The following SETX variants were observed in gnomAD, a reference collection of about 807,000 sequenced individuals.
SETX encodes the protein helicase senataxin.
A neutral mutation model predicts 227.2 loss-of-function variants in SETX; 90 were observed. That is an observed-to-expected ratio of 0.40 (90% CI 0.33 to 0.47). The LOEUF (loss-of-function observed/expected upper bound fraction) is 0.47. SETX is among the 20% of genes least tolerant of loss of function. The pLI is 0.91. For synonymous variants in SETX, 1,210 were observed against 1,113.2 expected (o/e 1.09, Z -1.73); for missense variants, 3,052 against 3,181.5 (o/e 0.96, Z 0.98).
At chr9:132,351,822 C>T (rs1463777950) in intron 2 of SETX, among the ~76,000 whole-genome samples, 3 of 152,182 alleles carry the variant, frequency 2.0e-5, no homozygotes, top group South Asian at 2.1e-4. Context: ...CAGACTGTAA[C>T]GGCTTGCAAT....
rs1419335898 is a variant in SETX at position 132,262,524 on chromosome 9, T to TC, written c.*1714dup. 6.6e-6 allele frequency: 1 copy of TC among 152,384 alleles called. No individual in the cohort carries two copies. The highest frequency in any genetic ancestry group is 2.4e-5 in the African/African-American group (1 of 41,406). The allele number at this position is 152,384 out of a possible 1,614,324, so 9.4% of individuals were successfully genotyped here. A position where few individuals can be genotyped will look rare whatever the true frequency, so the allele number is the denominator to read the frequency against. ...ACCCATCCCTACCCGTCCTGAACTG[T>TC]CGCACACTGCATGGCCAAAGACAAA... On this transcript the variant is annotated 3_prime_UTR_variant, in exon 26 of 26. Transcript: ENST00000224140.
chr9:132,310,254 T>C (rs79809418), intron 11 of SETX, among the ~76,000 whole-genome samples: 213 of 152,250 alleles, frequency 1.4e-3, no homozygotes, highest in Non-Finnish European at 2.6e-3. Flanking sequence ...CTCAAAACAA[T>C]CTATACAAAT....
chr9:132,293,728 A>T (rs73547013), intron 15 of SETX, among the ~76,000 whole-genome samples: 9,753 of 149,694 alleles, frequency 0.065, 466 homozygotes, highest in East Asian at 0.25. Context: ...CCTGCTAATT[A>T]AAAAAAAAAT....
intron 7 of SETX, among the ~76,000 whole-genome samples, chr9:132,334,222 G>A (rs1423705950): frequency 6.6e-6 from 1 of 152,222 alleles, no homozygotes; most frequent in South Asian, 2.1e-4. Flanking sequence ...AAGGCAGGCA[G>A]ATCACCTGAG....
chr9:132,339,180 G>A (rs952877146), intron 5 of SETX, among the ~76,000 whole-genome samples: 7 of 151,878 alleles, frequency 4.6e-5, no homozygotes, highest in South Asian at 4.2e-4. Flanking sequence ...CAATGCTTTC[G>A]TTTCTATAAA....
chr9:132,279,195 G>A (rs1843354412), intron 20 of SETX, among the ~76,000 whole-genome samples: 1 of 151,838 alleles, frequency 6.6e-6, no homozygotes, highest in Non-Finnish European at 1.5e-5. Context: ...TGACAAGTGG[G>A]ATAAACTGTC....
Position 132,264,309 on chromosome 9 carries a change from C to T in SETX, c.7964G>A (p.Arg2655Lys). ...TGTCCTCTTGTCCCACCTAGAGTTC[C>T]TCCTGGTGTGATGGGTCTCGGAACC... The part of the protein sequence containing the change: ...KCGSETHHTR[R>K]NSRWDKRTLE... Residue 2655 changes from arginine (R) to lysine (K), a missense_variant, in exon 26 of 26, where the codon AGG becomes AAG. Physicochemically the swap from Arg to Lys is conservative, Grantham distance 26 (BLOSUM62 2). Coordinates refer to ENST00000224140, the MANE Select transcript of SETX (RefSeq NM_015046.7). 1 of 1,614,244 alleles carries T rather than the reference C, an allele frequency of 6.2e-7. No homozygotes were observed. The highest frequency in any genetic ancestry group is 8.5e-7 in the Non-Finnish European group (1 of 1,180,048).
intron 25 of SETX, among the ~76,000 whole-genome samples, chr9:132,265,227 T>TTTTG (rs1842583926): frequency 6.9e-6 from 1 of 144,104 alleles, no homozygotes; most frequent in South Asian, 2.3e-4. Context: ...AACTTTTGTT[T>TTTTG]TTTTTTTTTT....
At chr9:132,332,513 T>C (rs1340517302) in intron 7 of SETX, among the ~76,000 whole-genome samples, 1 of 152,244 alleles carries the variant, frequency 6.6e-6, no homozygotes, top group East Asian at 1.9e-4. Flanking sequence ...CTTTCTTATA[T>C]ATGTTTGTAT....
intron 17 of SETX, among the ~76,000 whole-genome samples, chr9:132,286,942 C>G (rs1041597211): frequency 6.6e-6 from 1 of 152,184 alleles, no homozygotes; most frequent in African/African-American, 2.4e-5. Context: ...ACTTTCTCTC[C>G]CTCTGGGGTT....
At chr9:132,296,158 T>C (rs555892030) in intron 14 of SETX, 130 bp from the exon 15 acceptor site, 2 of 1,150,648 alleles carry the variant, frequency 1.7e-6, no homozygotes, top group Non-Finnish European at 2.5e-6. Context: ...TAAAAATAAA[T>C]AAAAGCATCT....
At chr9:132,289,190 G>A (rs1406753698) in intron 15 of SETX, among the ~76,000 whole-genome samples, 2 of 152,102 alleles carry the variant, frequency 1.3e-5, no homozygotes, top group Non-Finnish European at 2.9e-5. Context: ...TAAACACTGT[G>A]CTCAAGGAGA....
rs1293618230 is a variant in SETX at position 132,264,921 on chromosome 9, C to T, written c.7352G>A (p.Cys2451Tyr). 2.5e-6 allele frequency: 4 copies of T among 1,614,134 alleles called. No individual in the cohort carries two copies. Among genetic ancestry groups the T allele is most frequent in the Non-Finnish European group, 3.4e-6 (4 of 1,180,020 alleles). The change falls in exon 26 of 26, where the codon TGT (cysteine) becomes TAT (tyrosine). Residue 2451 changes from cysteine (C) to tyrosine (Y), a missense_variant. By Grantham distance (194) the Cys-to-Tyr change is radical. Transcript: ENST00000224140. ...AQKRGAIIKT[C>Y]DKNYRHDAVK... is the part of the protein sequence containing the mutation. ...TGCATCATGTCTATAGTTTTTGTCACAGGTCTTAATAATGGCACCACGCTT... is the reference window on the plus strand; with the variant it reads ...TGCATCATGTCTATAGTTTTTGTCATAGGTCTTAATAATGGCACCACGCTT...
chr9:132,288,191 A>T, intron 17 of SETX, 45 bp downstream of exon 17: 1 of 1,503,688 alleles, frequency 6.7e-7, no homozygotes, highest in Non-Finnish European at 9.2e-7. Context: ...AAACTTGTTA[A>T]CTAGTTCGTA....
At chr9:132,301,659 T>C (rs1197520622) in intron 11 of SETX, among the ~76,000 whole-genome samples, 1 of 152,198 alleles carries the variant, frequency 6.6e-6, no homozygotes, top group Non-Finnish European at 1.5e-5. Flanking sequence ...AGGTGTGTGG[T>C]AGGCTACACC....
Position 132,334,666 on chromosome 9 carries a change from T to C in SETX, c.780A>G (p.Ser260=), listed in dbSNP as rs2131492257. ...ATTGCATAAAATCATTTTGTTTGTCTGAGCCCAACAACAGGGAATCCATGG... is the reference window on the plus strand; with the variant it reads ...ATTGCATAAAATCATTTTGTTTGTCCGAGCCCAACAACAGGGAATCCATGG... ...EQAMDSLLLG[S]DKQNDFMQSI... is the part of the protein sequence containing the mutation. Residue 260 remains serine, a synonymous_variant, in exon 7 of 26, where the codon TCA becomes TCG. Transcript: ENST00000224140. 2 of 1,614,096 alleles carry C rather than the reference T, an allele frequency of 1.2e-6. No individual in the cohort carries two copies. Among genetic ancestry groups the C allele is most frequent in the Non-Finnish European group, 1.7e-6 (2 of 1,179,932 alleles).
intron 10 of SETX, among the ~76,000 whole-genome samples, chr9:132,323,627 C>T (rs552519614): frequency 2.0e-5 from 3 of 152,084 alleles, no homozygotes; most frequent in Admixed American, 6.6e-5. Context: ...GAAGGCCAGG[C>T]GGGATGGCTC....
intron 10 of SETX, among the ~76,000 whole-genome samples, 155 bp from the exon 11 acceptor site, chr9:132,312,011 C>G (rs1845696770): frequency 6.6e-6 from 1 of 152,188 alleles, no homozygotes; most frequent in Non-Finnish European, 1.5e-5. Context: ...ATACAATTAT[C>G]TGGAACTGTC....
intron 2 of SETX, among the ~76,000 whole-genome samples, chr9:132,350,943 G>A (rs188611654): frequency 1.7e-4 from 26 of 152,134 alleles, no homozygotes; most frequent in Non-Finnish European, 3.2e-4. Context: ...GCAGAGTACC[G>A]CCCTTTCCTG....
Sources: allele counts gnomAD v4.1 joint callset (sites outside exome capture counted in the v4.1 genomes callset), GRCh38; gene constraint gnomAD v4.1.1; transcripts MANE v1.5; gene names NCBI Gene and HGNC (gene_info 2026-07-23, HGNC 2026-07-21).